Variants in CTBP2 observed in about 807,000 individuals in gnomAD.
The protein encoded by CTBP2 is C-terminal binding protein 2.
Under a neutral mutation model 80.3 loss-of-function variants are expected in CTBP2, and 30 were observed. The ratio of observed to expected loss-of-function variants is 0.37; its 90% CI spans 0.28 to 0.51. The LOEUF (loss-of-function observed/expected upper bound fraction) is 0.51. CTBP2 is among the 20% of genes least tolerant of loss of function. The pLI is 0.93. For missense variants in CTBP2, 1,212 were observed against 1,375.3 expected (o/e 0.88, Z 1.88); for synonymous variants, 594 against 587.4 (o/e 1.01, Z -0.16).
In CTBP2 at chr10:125,026,807, G is replaced by A. The variant is rs778259518; in HGVS notation, c.953C>T (p.Pro318Leu). ...GTCCTCCAGGGTAGCCAGGACGGCCGGGGAGTCAAAGCCCTGCTGCAGTAG... is the reference window on the plus strand; with the variant it reads ...GTCCTCCAGGGTAGCCAGGACGGCCAGGGAGTCAAAGCCCTGCTGCAGTAG... The change falls in exon 1 of 9, where the codon CCG becomes CTG. Residue 318 changes from proline to leucine, a missense_variant. By Grantham distance (98) the Pro-to-Leu change is moderately conservative (BLOSUM62 -3). Coordinates refer to ENST00000309035, the MANE Select transcript of CTBP2 (RefSeq NM_022802.3). 1.4e-5 allele frequency: 23 copies of A among 1,613,224 alleles called. 1 individual carries two copies. Among genetic ancestry groups the A allele is most frequent in the South Asian group, 1.1e-4 (10 of 91,090 alleles).
At chr10:125,101,688 C>T (rs1850648720) in intron 2 of CTBP2, among the ~76,000 whole-genome samples, 1 of 152,208 alleles carries the variant, frequency 6.6e-6, no homozygotes, top group South Asian at 2.1e-4. Context: ...TTCCGTTCGT[C>T]TTGCATCGAA....
intron 1 of CTBP2, among the ~76,000 whole-genome samples, chr10:125,008,214 G>A (rs1361324811): frequency 6.6e-6 from 1 of 152,158 alleles, no homozygotes; most frequent in Non-Finnish European, 1.5e-5. Context: ...CCAAAATGCT[G>A]GGATTACAGG....
rs967826800 is a variant in CTBP2 at position 125,027,865 on chromosome 10, C to G, written c.-106G>C. 2.2e-5 allele frequency: 32 copies of G among 1,428,376 alleles called. No individual in the cohort carries two copies. In the African/African-American group the frequency reaches 4.3e-4, roughly 19 times the overall value. 88.5% of individuals were successfully genotyped at this position (1,428,376 alleles called of 1,614,324 possible). Reference sequence around the variant, plus strand: ...TGGCTGTGTGCTAACCCTTCCGAGACGGCAGGGACAACCAACTGGGGGTTT... The same window carrying G: ...TGGCTGTGTGCTAACCCTTCCGAGAGGGCAGGGACAACCAACTGGGGGTTT... On this transcript the variant is annotated 5_prime_UTR_variant, in exon 1 of 9. Transcript: ENST00000309035.
At chr10:125,098,023 A>C (rs1419213063) in intron 2 of CTBP2, among the ~76,000 whole-genome samples, 3 of 152,192 alleles carry the variant, frequency 2.0e-5, no homozygotes, top group Non-Finnish European at 4.4e-5. Flanking sequence ...AGGGAGGCTG[A>C]GGCAGGAGAA....
chr10:125,025,791 A>G (rs1367686173), intron 1 of CTBP2, among the ~76,000 whole-genome samples: 1 of 152,212 alleles, frequency 6.6e-6, no homozygotes, highest in African/African-American at 2.4e-5. Context: ...TTTCTCCAAG[A>G]AACACAGTTG....
chr10:125,095,520 C>T (rs751749795), intron 2 of CTBP2, among the ~76,000 whole-genome samples: 1 of 152,150 alleles, frequency 6.6e-6, no homozygotes. Context: ...TAGGGGTCAC[C>T]AGGCCCCACC....
intron 4 of CTBP2, 41 bp downstream of exon 6, chr10:124,997,923 T>G (rs1208142972): frequency 1.3e-6 from 2 of 1,575,882 alleles, no homozygotes; most frequent in Non-Finnish European, 1.7e-6. Context: ...CCAGCCCCAG[T>G]GTCGGAGGGG....
rs1397807742 is a variant in CTBP2, at chr10:124,989,685, T to C, written c.2791A>G (p.Ile931Val). Residue 931 changes from isoleucine (I) to valine (V), a missense_variant, in exon 9 of 9, where the codon ATC becomes GTC. Physicochemically the swap from Ile to Val is conservative, Grantham distance 29. Around this residue, in one of 3 missense-constraint regions of CTBP2, gnomAD observed 335 missense variants for 504.7 expected, o/e 0.66. Transcript: ENST00000309035. The stretch of plus-strand genomic sequence containing the variant: ...AGTCCTCCTGGAGCCACACCCACGA[T>C]GCCTGGCGGATATCTAAGGAACACA... The C allele has an allele frequency of 6.3e-7, 1 of 1,582,624 alleles. No homozygotes were observed. Among genetic ancestry groups the C allele is most frequent in the Non-Finnish European group, 8.6e-7 (1 of 1,164,062 alleles).
At chr10:125,083,270 G>A (rs1408610930) in intron 2 of CTBP2, among the ~76,000 whole-genome samples, 2 of 152,186 alleles carry the variant, frequency 1.3e-5, no homozygotes, top group African/African-American at 4.8e-5. Context: ...AAAAAGCACA[G>A]CCAAGTCACT....
intron 2 of CTBP2, among the ~76,000 whole-genome samples, chr10:125,093,974 C>T (rs1046291176): frequency 3.3e-5 from 5 of 152,234 alleles, no homozygotes; most frequent in East Asian, 1.9e-4. Flanking sequence ...GGAGGCGAGA[C>T]GGCAAGGCAA....
intron 1 of CTBP2, among the ~76,000 whole-genome samples, chr10:125,019,411 G>T (rs1956834168): frequency 6.6e-6 from 1 of 151,956 alleles, no homozygotes; most frequent in African/African-American, 2.4e-5. Context: ...GTTCTTGGGG[G>T]TAAATAAATT....
chr10:125,120,732 C>G (rs1854177734), intron 1 of CTBP2, among the ~76,000 whole-genome samples: 1 of 152,182 alleles, frequency 6.6e-6, no homozygotes, highest in Admixed American at 6.5e-5. Flanking sequence ...GGCTGGAGTG[C>G]AGTGGCATGA....
chr10:125,091,005 G>T (rs1015390682), intron 2 of CTBP2, among the ~76,000 whole-genome samples: 57 of 152,208 alleles, frequency 3.7e-4, no homozygotes, highest in African/African-American at 1.3e-3. Context: ...AGCTACCAAA[G>T]GCAGAGGCAG....
At chr10:125,116,799 T>C (rs893386600) in intron 1 of CTBP2, among the ~76,000 whole-genome samples, 1 of 152,186 alleles carries the variant, frequency 6.6e-6, no homozygotes, top group Non-Finnish European at 1.5e-5. Flanking sequence ...ACACATCCCA[T>C]AGCAGATCCT....
intron 2 of CTBP2, among the ~76,000 whole-genome samples, chr10:125,092,108 C>G (rs1848843144): frequency 6.7e-6 from 1 of 150,022 alleles, no homozygotes; most frequent in Non-Finnish European, 1.5e-5. Context: ...TGCATTAGAG[C>G]TTTCTTGGCA....
At chr10:125,114,327 C>T (rs772673721) in intron 1 of CTBP2, among the ~76,000 whole-genome samples, 13 of 152,122 alleles carry the variant, frequency 8.5e-5, no homozygotes, top group Non-Finnish European at 1.8e-4. Flanking sequence ...TTAAACATCC[C>T]GCGGCAAATG....
intron 1 of CTBP2, among the ~76,000 whole-genome samples, chr10:125,144,855 T>C (rs1858461387): frequency 6.6e-6 from 1 of 152,238 alleles, no homozygotes; most frequent in African/African-American, 2.4e-5. Flanking sequence ...ATTTCTTTTC[T>C]AGCAGGTATG....
chr10:125,127,840 G>T (rs908968270), intron 1 of CTBP2, among the ~76,000 whole-genome samples: 1 of 152,296 alleles, frequency 6.6e-6, no homozygotes, highest in African/African-American at 2.4e-5. Flanking sequence ...CAACTGTCGT[G>T]AAATTTTTGG....
At chr10:125,002,889 T>C in intron 3 of CTBP2, 71 bp downstream of exon 5, 1 of 1,576,216 alleles carries the variant, frequency 6.3e-7, no homozygotes, top group Admixed American at 1.7e-5. Flanking sequence ...CAGCTGCTTC[T>C]CCAAGCCCAC....
Sources: allele counts gnomAD v4.1 joint callset (sites outside exome capture counted in the v4.1 genomes callset), GRCh38; gene constraint gnomAD v4.1.1; regional missense constraint gnomAD v4.1.1; transcripts MANE v1.5; gene names NCBI Gene and HGNC (gene_info 2026-07-23, HGNC 2026-07-21).